The following CTBP1 variants were observed in gnomAD, a reference collection of about 807,000 sequenced individuals.
CTBP1 encodes the protein C-terminal binding protein 1.
In CTBP1, 11 loss-of-function variants were observed where a neutral mutation model predicts 42.1. That is an observed-to-expected ratio of 0.26 (90% CI 0.16 to 0.43). CTBP1 has a LOEUF of 0.43. Among genes scored for constraint, CTBP1 ranks in the 20% least tolerant of loss-of-function variants. The pLI is 1.00. For missense variants in CTBP1, 399 were observed against 624.3 expected (o/e 0.64, Z 3.85); for synonymous variants, 324 against 277.1 (o/e 1.17, Z -1.68).
At chr4:1,231,765 C>T (rs528711995) in intron 3 of CTBP1, among the ~76,000 whole-genome samples, 107 of 152,354 alleles carry the variant, frequency 7.0e-4, no homozygotes, top group Non-Finnish European at 1.3e-3. Flanking sequence ...GGCTGAAGAC[C>T]GCAGGTTTCA....
chr4:1,242,840 A>G, intron 1 of CTBP1: 15 of 985,272 alleles, frequency 1.5e-5, no homozygotes, highest in Non-Finnish European at 1.8e-5. Flanking sequence ...TAAATGTCAC[A>G]TTTCACCCAC....
intron 4 of CTBP1, among the ~76,000 whole-genome samples, chr4:1,227,650 G>A (rs994548249): frequency 6.0e-5 from 9 of 149,878 alleles, no homozygotes; most frequent in Non-Finnish European, 1.3e-4. Context: ...AACTGCATGT[G>A]CATGGGTGCA....
Position 1,248,975 on chromosome 4 carries a change from C to T in CTBP1, c.-248G>A, listed in dbSNP as rs1469449661. On this transcript the variant is annotated 5_prime_UTR_variant, in exon 1 of 10. Transcript: ENST00000382952. Reference sequence around the variant, plus strand: ...GCCCATCGAGAGGCGCGAGCGGCCGCGGGCCCCGACCACTCCGGCGCGCTG... The same window carrying T: ...GCCCATCGAGAGGCGCGAGCGGCCGTGGGCCCCGACCACTCCGGCGCGCTG... The T allele has an allele frequency of 1.8e-5, 18 of 994,800 alleles. No homozygotes were observed. Among genetic ancestry groups the T allele is most frequent in the Non-Finnish European group, 2.2e-5 (18 of 833,684 alleles). The allele number at this position is 994,800 out of a possible 1,614,324, so 61.6% of individuals were successfully genotyped here. A position where few individuals can be genotyped will look rare whatever the true frequency, so the allele number is the denominator to read the frequency against.
chr4:1,212,122 A>G lies in CTBP1; in HGVS notation c.*118T>C, dbSNP rs927203620. 98 of 870,858 alleles carry G rather than the reference A, an allele frequency of 1.1e-4. No homozygotes were observed. Among genetic ancestry groups the G allele is most frequent in the Non-Finnish European group, 1.5e-4 (93 of 625,414 alleles). 53.9% of individuals were successfully genotyped at this position (870,858 alleles called of 1,614,324 possible). A position where few individuals can be genotyped will look rare whatever the true frequency, so the allele number is the denominator to read the frequency against. On this transcript the variant is annotated 3_prime_UTR_variant, in exon 10 of 10. Coordinates refer to ENST00000382952, the MANE Select transcript of CTBP1 (RefSeq NM_001012614.2). ...GCGCTGCCCCCTCCCGCCTCCTGAC[A>G]GCCCGGACCAGTCTCTGCAGTGCCA...
At chr4:1,215,878 G>A (rs1381925717) in intron 6 of CTBP1, 113 bp downstream of exon 6, 11 of 1,186,066 alleles carry the variant, frequency 9.3e-6, no homozygotes, top group African/African-American at 7.6e-5. Flanking sequence ...CATGTGGCTC[G>A]CTGAAGGCAG....
In CTBP1 at chr4:1,243,376, C is replaced by T. The variant is rs1019545565; in HGVS notation, c.-188-1857G>A. On this transcript the variant is annotated intron_variant, in intron 1 of 9. Transcript: ENST00000382952. The stretch of plus-strand genomic sequence containing the variant: ...GCAGGGCTCCTGGGGCCCTGCACTC[C>T]CTGGGCTAGCCCTGCCAGACCTGAG... 8 of 985,252 alleles carry T rather than the reference C, an allele frequency of 8.1e-6. No homozygotes were observed. In the African/African-American group the frequency reaches 1.4e-4, roughly 17 times the overall value. 61.0% of individuals were successfully genotyped at this position (985,252 alleles called of 1,614,324 possible).
At chr4:1,213,332 A>C in intron 8 of CTBP1, 146 bp downstream of exon 8, 1 of 1,317,990 alleles carries the variant, frequency 7.6e-7, no homozygotes, top group Non-Finnish European at 1.0e-6. Flanking sequence ...TTGGCCTTAG[A>C]GGTCCCTGCT....
chr4:1,231,725 G>T (rs986208447), intron 3 of CTBP1, among the ~76,000 whole-genome samples: 2 of 152,210 alleles, frequency 1.3e-5, no homozygotes, highest in Non-Finnish European at 2.9e-5. Flanking sequence ...TCTACGACAC[G>T]CAGCCACATG....
intron 1 of CTBP1, chr4:1,245,163 G>A (rs917210418): frequency 5.1e-6 from 5 of 985,344 alleles, no homozygotes; most frequent in Non-Finnish European, 6.0e-6. Context: ...CGGCACCTTG[G>A]ACGGCAGCAT....
In CTBP1 at chr4:1,238,959, C is replaced by T. The variant is rs1241486053; in HGVS notation, c.8-622G>A. On this transcript the variant is annotated intron_variant, in intron 2 of 9. Coordinates refer to ENST00000382952, the MANE Select transcript of CTBP1 (RefSeq NM_001012614.2). This position sits in a 1 kb window ranked among gnomAD's most constrained non-coding sequence, Gnocchi z 5.9. Reference sequence around the variant, plus strand: ...TCCTGCCTGGGCTACCGCGTGGCTGCCCGGAATCCCTGATGGGGTCACCAG... The same window carrying T: ...TCCTGCCTGGGCTACCGCGTGGCTGTCCGGAATCCCTGATGGGGTCACCAG... Among the ~76,000 whole-genome samples, 3 of 152,178 alleles carry T rather than the reference C, an allele frequency of 2.0e-5. No individual in the cohort carries two copies. Among genetic ancestry groups the T allele is most frequent in the African/African-American group, 4.8e-5 (2 of 41,430 alleles).
chr4:1,219,716 G>C (rs1729529193), intron 5 of CTBP1, among the ~76,000 whole-genome samples: 1 of 152,256 alleles, frequency 6.6e-6, no homozygotes, highest in African/African-American at 2.4e-5. Context: ...ATCTGTTTTT[G>C]GCAGAGGCAG....
chr4:1,247,550 C>A (rs561965199), intron 1 of CTBP1, among the ~76,000 whole-genome samples: 1 of 152,158 alleles, frequency 6.6e-6, no homozygotes, highest in Non-Finnish European at 1.5e-5. Flanking sequence ...ACCCCCAAAC[C>A]GCAGCTGTCA....
chr4:1,243,904 C>T (rs1264945833), intron 1 of CTBP1: 1 of 985,504 alleles, frequency 1.0e-6, no homozygotes, highest in Non-Finnish European at 1.2e-6. Context: ...ACCCTGCAGA[C>T]GCTTAACCTC....
chr4:1,235,180 G>A lies in CTBP1; in HGVS notation c.162+3003C>T, dbSNP rs1432482847. On this transcript the variant is annotated intron_variant, in intron 3 of 9. Coordinates refer to ENST00000382952, the MANE Select transcript of CTBP1 (RefSeq NM_001012614.2). This position sits in a 1 kb window ranked among gnomAD's most constrained non-coding sequence, Gnocchi z 4.2. ...GGGCGTCCTTCTGGTTTGGGCTATG[G>A]TGAGTTAAGCTGCTAGGGAGCATGA... The A allele has an allele frequency of 6.6e-6, 1 of 152,194 alleles. No individual in the cohort carries two copies. The highest frequency in any genetic ancestry group is 1.5e-5 in the Non-Finnish European group (1 of 68,042). 9.4% of individuals were successfully genotyped at this position (152,194 alleles called of 1,614,324 possible). A position where few individuals can be genotyped will look rare whatever the true frequency, so the allele number is the denominator to read the frequency against.
chr4:1,242,346 G>T lies in CTBP1; in HGVS notation c.-188-827C>A, dbSNP rs575607289. 36 of 985,378 alleles carry T rather than the reference G, an allele frequency of 3.7e-5. No individual in the cohort carries two copies. The African/African-American group carries it at 5.8e-4, about 16-fold the overall frequency. 61.0% of individuals were successfully genotyped at this position (985,378 alleles called of 1,614,324 possible). ...CCGAGGCTGACCCCAACGTGCAGCT[G>T]ACATCAGGCTGACCAGGACAGGAGC... On this transcript the variant is annotated intron_variant, in intron 1 of 9. Coordinates refer to ENST00000382952, the MANE Select transcript of CTBP1 (RefSeq NM_001012614.2).
chr4:1,236,276 A>C (rs1338961458), intron 3 of CTBP1: 1 of 253,272 alleles, frequency 3.9e-6, no homozygotes, highest in African/African-American at 2.2e-5. Flanking sequence ...AGTAGAAGCC[A>C]GACCAACCTA....
At chr4:1,227,575 T>C (rs936038389) in intron 4 of CTBP1, among the ~76,000 whole-genome samples, 7 of 149,962 alleles carry the variant, frequency 4.7e-5, no homozygotes, top group African/African-American at 1.7e-4. Context: ...GTGTGCTGAG[T>C]GTGCGTGATC....
intron 1 of CTBP1, among the ~76,000 whole-genome samples, chr4:1,247,540 A>C (rs1732843986): frequency 6.6e-6 from 1 of 151,652 alleles, no homozygotes; most frequent in African/African-American, 2.4e-5. Context: ...AGAAAGGGGG[A>C]CCCCCAAACC....
chr4:1,237,468 T>C, intron 3 of CTBP1: 1 of 677,778 alleles, frequency 1.5e-6, no homozygotes. Context: ...GAAAACCCGG[T>C]GTTCACCTCC....
Sources: allele counts gnomAD v4.1 joint callset (sites outside exome capture counted in the v4.1 genomes callset), GRCh38; gene constraint gnomAD v4.1.1; non-coding constraint Gnocchi (gnomAD v3.1); transcripts MANE v1.5; gene names NCBI Gene and HGNC (gene_info 2026-07-23, HGNC 2026-07-21).